The following CEP128 variants were observed in gnomAD, a reference collection of about 807,000 sequenced individuals.
CEP128 encodes centrosomal protein 128.
A neutral mutation model predicts 156.7 loss-of-function variants in CEP128; 132 were observed. That is an observed-to-expected ratio of 0.84 (90% CI 0.73 to 0.97). CEP128 has a LOEUF of 0.97. Among genes scored for constraint, CEP128 ranks in the 50% least tolerant of loss-of-function variants. The pLI, the probability that CEP128 is intolerant of heterozygous loss-of-function variation, is 0.00. For synonymous variants in CEP128, 469 were observed against 448.9 expected, an observed-to-expected ratio of 1.04 and a Z score of -0.57; for missense variants, 1,252 against 1,281.9, an observed-to-expected ratio of 0.98 and a Z score of 0.36.
At chr14:80,744,217 AAAAGAAATATTTCTTTCACCTTC>A (rs1470185195) in intron 18 of CEP128, among the ~76,000 whole-genome samples, 1 of 152,126 alleles carries the variant, frequency 6.6e-6, no homozygotes, top group African/African-American at 2.4e-5. Flanking sequence ...CAAGAATAGG[AAAAGAAATATTTCTTTCACCTTC>A]AATACAGCAG....
At chr14:80,820,397 G>A (rs550759136) in intron 13 of CEP128, among the ~76,000 whole-genome samples, 73 of 152,270 alleles carry the variant, frequency 4.8e-4, no homozygotes, top group Non-Finnish European at 4.6e-4. Flanking sequence ...TGTCTTGATG[G>A]GAAGTTAGGA....
intron 19 of CEP128, among the ~76,000 whole-genome samples, chr14:80,641,010 A>C (rs1894385024): frequency 1.3e-5 from 2 of 152,210 alleles, no homozygotes; most frequent in Non-Finnish European, 2.9e-5. Flanking sequence ...GCTACTTTGA[A>C]GGGCCATTAT....
intron 9 of CEP128, among the ~76,000 whole-genome samples, chr14:80,849,192 A>C (rs1306086707): frequency 6.6e-6 from 1 of 152,204 alleles, no homozygotes; most frequent in Non-Finnish European, 1.5e-5. Context: ...AGGTTTTAAA[A>C]TATAAAACAA....
chr14:80,560,050 AG>A (rs1566780000), intron 20 of CEP128, among the ~76,000 whole-genome samples: 1 of 152,248 alleles, frequency 6.6e-6, no homozygotes, highest in African/African-American at 2.4e-5. Context: ...GAGACAAAGC[AG>A]AGTGTGAAGA....
intron 2 of CEP128, among the ~76,000 whole-genome samples, chr14:80,935,097 C>T (rs752669623): frequency 1.1e-4 from 17 of 152,080 alleles, no homozygotes; most frequent in Non-Finnish European, 2.5e-4. Context: ...CAAATCCAGG[C>T]AAGAAGACTA....
At chr14:80,758,574 G>A (rs1334162578) in intron 17 of CEP128, among the ~76,000 whole-genome samples, 1 of 151,158 alleles carries the variant, frequency 6.6e-6, no homozygotes, top group African/African-American at 2.4e-5. Flanking sequence ...CAGTGTCTGG[G>A]ACAGAGAACA....
intron 13 of CEP128, among the ~76,000 whole-genome samples, chr14:80,828,123 C>CTTTTTTTTTTT (rs1008856396): frequency 3.9e-5 from 5 of 126,970 alleles, no homozygotes; most frequent in African/African-American, 1.2e-4. Flanking sequence ...CTTCTTTTTT[C>CTTTTTTTTTTT]TTTTTTTTTT....
At chr14:80,805,816 T>C (rs1247818540) in intron 13 of CEP128, among the ~76,000 whole-genome samples, 1 of 152,240 alleles carries the variant, frequency 6.6e-6, no homozygotes, top group Non-Finnish European at 1.5e-5. Flanking sequence ...CCCTGAACTA[T>C]ACCTACATGA....
chr14:80,917,359 G>A (rs1884619872), intron 2 of CEP128, among the ~76,000 whole-genome samples: 1 of 152,158 alleles, frequency 6.6e-6, no homozygotes, highest in African/African-American at 2.4e-5. Context: ...AGAAGCATCA[G>A]AGAAACTCAA....
intron 19 of CEP128, among the ~76,000 whole-genome samples, chr14:80,660,422 C>T (rs375514143): frequency 8.4e-4 from 128 of 152,274 alleles, no homozygotes; most frequent in African/African-American, 3.0e-3. Context: ...CCATTTTCTA[C>T]ATGAGACACT....
At chr14:80,566,571 T>C (rs945993033) in intron 20 of CEP128, among the ~76,000 whole-genome samples, 6 of 152,162 alleles carry the variant, frequency 3.9e-5, no homozygotes, top group Non-Finnish European at 8.8e-5. Flanking sequence ...AGCTTTAAAA[T>C]GTAGCATAAG....
At chr14:80,949,606 C>G (rs114802443) in intron 2 of CEP128, among the ~76,000 whole-genome samples, 4,226 of 152,180 alleles carry the variant, frequency 0.028, 201 homozygotes, top group African/African-American at 0.096. Context: ...AGGGTATTGC[C>G]TCGGGAATGA....
chr14:80,586,205 G>A (rs894947456), intron 19 of CEP128, among the ~76,000 whole-genome samples: 4 of 152,130 alleles, frequency 2.6e-5, no homozygotes, highest in African/African-American at 9.7e-5. Flanking sequence ...AAAAAGCTGA[G>A]AAGGAGCTGC....
chr14:80,584,291 G>A (rs1891720514), intron 19 of CEP128, among the ~76,000 whole-genome samples: 1 of 151,722 alleles, frequency 6.6e-6, no homozygotes, highest in South Asian at 2.1e-4. Context: ...GATTACAGGT[G>A]CCAGCCAGCA....
chr14:80,674,444 T>C (rs1419500497), intron 19 of CEP128, among the ~76,000 whole-genome samples: 1 of 152,126 alleles, frequency 6.6e-6, no homozygotes. Flanking sequence ...TATCCTGTGA[T>C]TTCTGCAAAA....
intron 8 of CEP128, 122 bp from the exon 9 acceptor site, chr14:80,862,995 C>T: frequency 1.7e-6 from 1 of 593,696 alleles, no homozygotes. Flanking sequence ...GTTTTGTTTG[C>T]AAAGCCCCTT....
At chr14:80,806,940 A>C (rs1284311311) in intron 13 of CEP128, among the ~76,000 whole-genome samples, 2 of 151,688 alleles carry the variant, frequency 1.3e-5, no homozygotes. Flanking sequence ...ATTATCTCAC[A>C]TAATACAGTA....
intron 2 of CEP128, among the ~76,000 whole-genome samples, chr14:80,932,907 A>G (rs146955249): frequency 3.4e-4 from 52 of 152,016 alleles, no homozygotes; most frequent in African/African-American, 8.0e-4. Flanking sequence ...TAATAATAAT[A>G]ATGATTTTTT....
rs77294582 is a variant in CEP128 at position 80,924,450 on chromosome 14, A to C, written c.-15-7888T>G. On this transcript the variant is annotated intron_variant, in intron 2 of 24. Coordinates refer to ENST00000555265, the MANE Select transcript of CEP128 (RefSeq NM_152446.5). ...CACTACATTAGAAATGAAAGATGAA[A>C]GTAAATAAATAAGTCATAGTCTTGA... is the stretch of plus-strand genomic sequence containing the variant. 2.1e-3 allele frequency among the ~76,000 whole-genome samples: 317 copies of C among 152,338 alleles called. 4 individuals are homozygous for C. In the East Asian group the frequency reaches 0.049, roughly 24 times the overall value.
Sources: allele counts gnomAD v4.1 joint callset (sites outside exome capture counted in the v4.1 genomes callset), GRCh38; gene constraint gnomAD v4.1.1; transcripts MANE v1.5; gene names NCBI Gene and HGNC (gene_info 2026-07-23, HGNC 2026-07-21).